The following PPM1E variants were observed in gnomAD, a reference collection of about 807,000 sequenced individuals.
PPM1E encodes the protein protein phosphatase 1E.
PPM1E carries 20 observed loss-of-function variants against 65.9 expected under a neutral mutation model. That is an observed-to-expected ratio of 0.30 (90% CI 0.21 to 0.44). The LOEUF (loss-of-function observed/expected upper bound fraction) is 0.44, where lower values mean the gene tolerates loss of function less well. Ranked by LOEUF, PPM1E falls within the 20% of genes least tolerant of loss-of-function variation. PPM1E has a pLI of 1.00. For synonymous variants in PPM1E, 352 were observed against 374.9 expected (o/e 0.94, Z 0.70); for missense variants, 713 against 953.1 (o/e 0.75, Z 3.32).
At chr17:58,835,153 C>A (rs1318642970) in intron 1 of PPM1E, among the ~76,000 whole-genome samples, 3 of 152,088 alleles carry the variant, frequency 2.0e-5, no homozygotes, top group Non-Finnish European at 4.4e-5. Context: ...CCAGCCTCAG[C>A]AACATAGTGA....
At chr17:58,948,151 G>A (rs1215370645) in intron 1 of PPM1E, among the ~76,000 whole-genome samples, 3 of 152,100 alleles carry the variant, frequency 2.0e-5, no homozygotes, top group East Asian at 1.9e-4. Context: ...TTTCATCCGA[G>A]TAGTCACCAC....
chr17:58,906,212 A>G (rs2143485912), intron 1 of PPM1E, among the ~76,000 whole-genome samples: 1 of 152,252 alleles, frequency 6.6e-6, no homozygotes, highest in Admixed American at 6.5e-5. Context: ...TTCATTCCTG[A>G]CATTAGTAAC....
intron 1 of PPM1E, among the ~76,000 whole-genome samples, chr17:58,892,342 A>G (rs973759180): frequency 3.3e-5 from 5 of 152,066 alleles, no homozygotes; most frequent in African/African-American, 1.2e-4. Context: ...GGGAGGCTGA[A>G]GCAGGAGGAT....
chr17:58,948,259 G>A (rs913005537), intron 1 of PPM1E, among the ~76,000 whole-genome samples: 1 of 152,022 alleles, frequency 6.6e-6, no homozygotes, highest in Non-Finnish European at 1.5e-5. Flanking sequence ...GAATGCTGTT[G>A]CGGCCTTTTT....
Position 58,938,787 on chromosome 17 carries a change from C to CTT in PPM1E, c.465-16842_465-16841dup, listed in dbSNP as rs565049669. 2.3e-3 allele frequency among the ~76,000 whole-genome samples: 287 copies of CTT among 125,144 alleles called. 2 individuals carry two copies. Among genetic ancestry groups the CTT allele is most frequent in the African/African-American group, 7.0e-3 (231 of 32,862 alleles). The allele number at this position is 125,144 out of a possible 152,430, so 82.1% of individuals were successfully genotyped here. ...GGCTGTCTATGCTGATACACTAATT[C>CTT]TTTTTTTTTTTTTTTTTTTTTGAGG... is the stretch of plus-strand genomic sequence containing the variant. On this transcript the variant is annotated intron_variant, in intron 1 of 6. Transcript: ENST00000308249.
At chr17:58,878,104 C>T (rs2051148332) in intron 1 of PPM1E, among the ~76,000 whole-genome samples, 2 of 151,886 alleles carry the variant, frequency 1.3e-5, no homozygotes, top group Non-Finnish European at 2.9e-5. Flanking sequence ...GAAAGAGTGG[C>T]TTTACATTAC....
intron 1 of PPM1E, among the ~76,000 whole-genome samples, chr17:58,931,031 T>A (rs1438164700): frequency 1.9e-5 from 2 of 105,058 alleles, no homozygotes; most frequent in Non-Finnish European, 3.7e-5. Flanking sequence ...CTGGCCAACA[T>A]AGTGAAACCC....
At chr17:58,977,155 T>C (rs1567898188) in intron 6 of PPM1E, among the ~76,000 whole-genome samples, 1 of 152,108 alleles carries the variant, frequency 6.6e-6, no homozygotes, top group East Asian at 1.9e-4. Context: ...TAAGAAATAA[T>C]GAATGAGGGC....
chr17:58,975,355 C>CA (rs1461333741), intron 6 of PPM1E, among the ~76,000 whole-genome samples: 1 of 152,146 alleles, frequency 6.6e-6, no homozygotes, highest in African/African-American at 2.4e-5. Context: ...TAATAAGTGA[C>CA]AATCTCAGAG....
chr17:58,977,811 G>C (rs2031108770), intron 6 of PPM1E, among the ~76,000 whole-genome samples: 1 of 152,036 alleles, frequency 6.6e-6, no homozygotes, highest in Admixed American at 6.6e-5. Context: ...GGCGCAATCT[G>C]GGCTCACTGC....
intron 1 of PPM1E, among the ~76,000 whole-genome samples, chr17:58,764,440 C>G (rs1479425383): frequency 1.3e-5 from 2 of 151,986 alleles, no homozygotes; most frequent in African/African-American, 2.4e-5. Flanking sequence ...AGTGCCTCAC[C>G]CTTGTAGTAC....
chr17:58,965,421 G>T (rs147359314), intron 2 of PPM1E, among the ~76,000 whole-genome samples: 10 of 152,206 alleles, frequency 6.6e-5, no homozygotes, highest in African/African-American at 2.4e-4. Flanking sequence ...CCAGCTGGAA[G>T]AAATCAAGCC....
intron 1 of PPM1E, among the ~76,000 whole-genome samples, chr17:58,838,848 G>C (rs956765249): frequency 6.6e-6 from 1 of 152,076 alleles, no homozygotes; most frequent in South Asian, 2.1e-4. Context: ...GTTATTAAGC[G>C]ATCAAAAGAA....
chr17:58,847,608 C>T (rs1443684624), intron 1 of PPM1E, among the ~76,000 whole-genome samples: 1 of 152,148 alleles, frequency 6.6e-6, no homozygotes, highest in Non-Finnish European at 1.5e-5. Context: ...TCTGAGGGCT[C>T]TATTCTGTTC....
intron 1 of PPM1E, among the ~76,000 whole-genome samples, chr17:58,922,737 T>G (rs529033323): frequency 2.7e-4 from 41 of 149,284 alleles, no homozygotes; most frequent in African/African-American, 1.0e-3. Context: ...CAGGCTGGAG[T>G]GCAGTGGTGC....
At chr17:58,949,719 T>C (rs1160189265) in intron 1 of PPM1E, among the ~76,000 whole-genome samples, 1 of 152,212 alleles carries the variant, frequency 6.6e-6, no homozygotes, top group Non-Finnish European at 1.5e-5. Context: ...TAATTTCACA[T>C]ATCTTCATGA....
At chr17:58,920,061 C>T (rs189272889) in intron 1 of PPM1E, among the ~76,000 whole-genome samples, 29 of 152,080 alleles carry the variant, frequency 1.9e-4, no homozygotes, top group South Asian at 8.3e-4. Flanking sequence ...AACAGGTAGT[C>T]GGATTTTGAA....
intron 1 of PPM1E, among the ~76,000 whole-genome samples, chr17:58,764,238 C>T (rs1033639406): frequency 4.6e-5 from 7 of 151,770 alleles, no homozygotes; most frequent in Admixed American, 6.6e-5. Context: ...TAATGGCTAC[C>T]ATAACAAACA....
Position 58,983,144 on chromosome 17 carries a change from C to T in PPM1E, c.*2113C>T. On this transcript the variant is annotated 3_prime_UTR_variant, in exon 7 of 7. Transcript: ENST00000308249. The stretch of plus-strand genomic sequence containing the variant: ...AGAACTGGGACAAACACAGACCCAT[C>T]TTTAGGGGTCTGGATTTTGTAGGTC... 2.1e-6 allele frequency: 1 copy of T among 477,146 alleles called. No individual in the cohort carries two copies. 29.6% of individuals were successfully genotyped at this position (477,146 alleles called of 1,614,324 possible). A position where few individuals can be genotyped will look rare whatever the true frequency, so the allele number is the denominator to read the frequency against.
Sources: allele counts gnomAD v4.1 joint callset (sites outside exome capture counted in the v4.1 genomes callset), GRCh38; gene constraint gnomAD v4.1.1; transcripts MANE v1.5; gene names NCBI Gene and HGNC (gene_info 2026-07-23, HGNC 2026-07-21).